Variants in ZNF844 observed in about 807,000 individuals in gnomAD.
The protein encoded by ZNF844 is zinc finger protein 844.
ZNF844 carries 11 observed loss-of-function variants against 11.4 expected under a neutral mutation model. That is an observed-to-expected ratio of 0.97 (90% CI 0.61 to 1.60). The LOEUF is 1.60. ZNF844 is among the 40% of genes most tolerant of loss of function. The probability of loss-of-function intolerance (pLI) is 0.00; values close to 1 mark genes in which losing one functional copy is unlikely to be tolerated. For missense variants in ZNF844, 790 were observed against 796.8 expected (o/e 0.99, Z 0.10); for synonymous variants, 248 against 260.3 (o/e 0.95, Z 0.46).
intron 3 of ZNF844, among the ~76,000 whole-genome samples, chr19:12,074,811 C>T (rs1975788832): frequency 6.6e-6 from 1 of 152,106 alleles, no homozygotes; most frequent in Non-Finnish European, 1.5e-5. Flanking sequence ...ATGATGATGC[C>T]ACTGCACTCC....
At position 12,079,031 on chromosome 19, in the gene ZNF844, G is replaced by A. The variant is rs1975863449; in HGVS notation, c.*1910G>A. 6.6e-6 allele frequency: 1 copy of A among 152,056 alleles called. No homozygotes were observed. Among genetic ancestry groups the A allele is most frequent in the Admixed American group, 6.6e-5 (1 of 15,260 alleles). 9.4% of individuals were successfully genotyped at this position (152,056 alleles called of 1,614,324 possible). A position where few individuals can be genotyped will look rare whatever the true frequency, so the allele number is the denominator to read the frequency against. On this transcript the variant is annotated 3_prime_UTR_variant, in exon 4 of 4. Transcript: ENST00000439326. ...CGCCCAGCTAATTTTTGTATTTTTA[G>A]TAGAGACGGGGCTTCACTATGTTGG...
At chr19:12,074,189 A>G (rs753672013) in intron 2 of ZNF844, 32 bp downstream of exon 2, 30 of 1,611,938 alleles carry the variant, frequency 1.9e-5, no homozygotes, top group Non-Finnish European at 2.5e-5. Context: ...CCCCCAGTGA[A>G]TGAGACAAGT....
Position 12,076,058 on chromosome 19 carries a change from A to C in ZNF844, c.938A>C (p.Lys313Thr). The change falls in exon 4 of 4, where the codon AAA (lysine) becomes ACA (threonine). Residue 313 changes from lysine to threonine, a missense_variant. By Grantham distance (78) the Lys-to-Thr change is moderately conservative (BLOSUM62 -1). Transcript: ENST00000439326. ...HSEEKAYECT[K>T]CGKAFKCPSY... ...GAGGAGAAGGCTTATGAATGTACCAAATGTGGGAAAGCATTCAAGTGTCCC... is the reference window on the plus strand; with the variant it reads ...GAGGAGAAGGCTTATGAATGTACCACATGTGGGAAAGCATTCAAGTGTCCC... 3.2e-6 allele frequency: 5 copies of C among 1,563,752 alleles called. No homozygotes were observed. Among genetic ancestry groups the C allele is most frequent in the Non-Finnish European group, 4.3e-6 (5 of 1,153,432 alleles).
intron 1 of ZNF844, 90 bp downstream of exon 1, chr19:12,064,966 C>T: frequency 2.1e-6 from 3 of 1,403,800 alleles, no homozygotes; most frequent in Non-Finnish European, 1.9e-6. Flanking sequence ...TGTGCCGGGA[C>T]CCGGACCTCC....
chr19:12,076,000 C>A lies in ZNF844; in HGVS notation c.880C>A (p.His294Asn). The change falls in exon 4 of 4, where the codon CAT (histidine) becomes AAT (asparagine). Residue 294 changes from histidine to asparagine, a missense_variant. By Grantham distance (68) the His-to-Asn change is moderately conservative. Around this residue, in one of 3 missense-constraint regions of ZNF844, gnomAD observed 657 missense variants for 636.2 expected, o/e 1.03. Transcript: ENST00000439326. ...ATGTGGAAAAGCCTTCAGATGGTTC[C>A]ATTCCTTTCAAATACATGAAAGAAC... is the stretch of plus-strand genomic sequence containing the variant. ...KQCGKAFRWF[H>N]SFQIHERTHS... is the part of the protein sequence containing the mutation. The A allele has an allele frequency of 6.3e-7, 1 of 1,577,876 alleles. No individual in the cohort carries two copies. The highest frequency in any genetic ancestry group is 8.6e-7 in the Non-Finnish European group (1 of 1,161,574).
chr19:12,073,041 A>C (rs1205301536), intron 1 of ZNF844, among the ~76,000 whole-genome samples: 1 of 152,078 alleles, frequency 6.6e-6, no homozygotes, highest in Non-Finnish European at 1.5e-5. Context: ...GAACTTTTAA[A>C]TTTTGATAAA....
In ZNF844 at chr19:12,076,263, C is replaced by T; in HGVS notation, c.1143C>T (p.Asp381=). Residue 381 remains aspartate (D), a synonymous_variant, in exon 4 of 4, where the codon GAC becomes GAT. Coordinates refer to ENST00000439326, the MANE Select transcript of ZNF844 (RefSeq NM_001136501.3). ...KPLILPVRFE[D]MKELTLERNL... The stretch of plus-strand genomic sequence containing the variant: ...TGATTCTCCCAGTTCGTTTTGAAGA[C>T]ATGAAAGAACTCACACTGGAGAGAA... The T allele has an allele frequency of 6.2e-7, 1 of 1,612,862 alleles. No individual in the cohort carries two copies. Among genetic ancestry groups the T allele is most frequent in the Non-Finnish European group, 8.5e-7 (1 of 1,179,460 alleles).
At position 12,074,419 on chromosome 19, in the gene ZNF844, A is replaced by T. The variant is rs551643138; in HGVS notation, c.189A>T (p.Leu63=). 1.3e-6 allele frequency: 2 copies of T among 1,535,248 alleles called. No homozygotes were observed. The highest frequency in any genetic ancestry group is 4.9e-5 in the East Asian group (2 of 40,728). The change falls in exon 3 of 4, where the codon CTA becomes CTT. Residue 63 remains leucine (L), a splice_region_variant and synonymous_variant. Transcript: ENST00000439326. ...AGTACAAAAATCCCAGGAATAATCTAAGGTGATTTAAACTCACGAGACAAA... is the reference window on the plus strand; with the variant it reads ...AGTACAAAAATCCCAGGAATAATCTTAGGTGATTTAAACTCACGAGACAAA... The part of the protein sequence containing the change: ...EDQYKNPRNN[L]RSLLGERVDE...
chr19:12,075,776 A>G lies in ZNF844; in HGVS notation c.656A>G (p.His219Arg), dbSNP rs1278172928. 2 of 1,613,090 alleles carry G rather than the reference A, an allele frequency of 1.2e-6. No homozygotes were observed. The highest frequency in any genetic ancestry group is 2.2e-5 in the South Asian group (2 of 90,782). The change falls in exon 4 of 4, where the codon CAC (histidine) becomes CGC (arginine). Residue 219 changes from histidine to arginine, a missense_variant. His to Arg is a conservative substitution (Grantham distance 29). This residue lies in a region of ZNF844 where 657 missense variants were observed against 636.2 expected (regional missense o/e 1.03). Coordinates refer to ENST00000439326, the MANE Select transcript of ZNF844 (RefSeq NM_001136501.3). Reference sequence around the variant, plus strand: ...ATATATCTTATACATGAACGAGTTCACACTGGAGAGAAACCATATAAATGT... The same window carrying G: ...ATATATCTTATACATGAACGAGTTCGCACTGGAGAGAAACCATATAAATGT... ...LSIYLIHERV[H>R]TGEKPYKCKQ...
At chr19:12,066,530 CTTTTTT>C (rs80186949) in intron 1 of ZNF844, among the ~76,000 whole-genome samples, 60 of 92,318 alleles carry the variant, frequency 6.5e-4, no homozygotes, top group Middle Eastern at 0.018. Context: ...TAAATGTCTT[CTTTTTT>C]TTTTTTTTTT....
At position 12,077,146 on chromosome 19, in the gene ZNF844, G is replaced by T; in HGVS notation, c.*25G>T. The T allele has an allele frequency of 6.2e-7, 1 of 1,601,494 alleles. No homozygotes were observed. On this transcript the variant is annotated 3_prime_UTR_variant, in exon 4 of 4. Transcript: ENST00000439326. ...AAACCGTATGAATGCAAGGAATGTG[G>T]CAAAGCCTTCACTTCTTCTGGTTCC...
intron 1 of ZNF844, among the ~76,000 whole-genome samples, chr19:12,067,163 G>A (rs983440459): frequency 1.2e-4 from 18 of 151,866 alleles, no homozygotes; most frequent in African/African-American, 4.4e-4. Context: ...TCGCGCCACT[G>A]CACTCCAGCT....
Position 12,080,457 on chromosome 19 carries a change from A to G in ZNF844, c.*3336A>G. The G allele has an allele frequency of 3.4e-6, 1 of 291,636 alleles. No homozygotes were observed. The highest frequency in any genetic ancestry group is 4.2e-4 in the Middle Eastern group (1 of 2,406). 18.1% of individuals were successfully genotyped at this position (291,636 alleles called of 1,614,324 possible). A position where few individuals can be genotyped will look rare whatever the true frequency, so the allele number is the denominator to read the frequency against. On this transcript the variant is annotated 3_prime_UTR_variant, in exon 4 of 4. Coordinates refer to ENST00000439326, the MANE Select transcript of ZNF844 (RefSeq NM_001136501.3). Reference sequence around the variant, plus strand: ...GTGTCCTATCTTACATGCAATTTCAAAGGCAGACAAGAGGAAGTCATCAGT... The same window carrying G: ...GTGTCCTATCTTACATGCAATTTCAGAGGCAGACAAGAGGAAGTCATCAGT...
rs753835058 is a variant in ZNF844, at chr19:12,076,743, G to T, written c.1623G>T (p.Leu541Phe). The T allele has an allele frequency of 1.4e-5, 23 of 1,604,346 alleles. 1 individual carries two copies. The South Asian group carries it at 2.6e-4, about 18-fold the overall frequency. The change falls in exon 4 of 4, where the codon TTG (leucine) becomes TTT (phenylalanine). Residue 541 changes from leucine (L) to phenylalanine (F), a missense_variant. Transcript: ENST00000439326. The stretch of plus-strand genomic sequence containing the variant: ...ATCTAAACAATGTGAAAAAACCTTT[G>T]GATCTGTCAGAAACCTTCAAATTCA... Reference protein sequence around the residue: ...CMNLNNVKKPLDLSETFKFMK... With the variant: ...CMNLNNVKKPFDLSETFKFMK...
At position 12,079,546 on chromosome 19, in the gene ZNF844, T is replaced by C. The variant is rs1975870586; in HGVS notation, c.*2425T>C. ...GGTGGCGCGTGCCTGTAGTCCCAGC[T>C]ACTCAGGAGGCTGAGGCAGGAGAAT... is the stretch of plus-strand genomic sequence containing the variant. On this transcript the variant is annotated 3_prime_UTR_variant, in exon 4 of 4. Coordinates refer to ENST00000439326, the MANE Select transcript of ZNF844 (RefSeq NM_001136501.3). 1 of 151,562 alleles carries C rather than the reference T, an allele frequency of 6.6e-6. No homozygotes were observed. The highest frequency in any genetic ancestry group is 2.4e-5 in the African/African-American group (1 of 41,146). 9.4% of individuals were successfully genotyped at this position (151,562 alleles called of 1,614,324 possible).
intron 1 of ZNF844, among the ~76,000 whole-genome samples, chr19:12,067,905 C>CT (rs1223123940): frequency 1.2e-5 from 1 of 81,462 alleles, no homozygotes; most frequent in Non-Finnish European, 2.4e-5. Context: ...GAGCGAGACT[C>CT]TGTCTCAAAA....
At position 12,075,553 on chromosome 19, in the gene ZNF844, C is replaced by A. The variant is rs1463142783; in HGVS notation, c.433C>A (p.Gln145Lys). The A allele has an allele frequency of 3.1e-6, 5 of 1,613,960 alleles. No individual in the cohort carries two copies. In the African/African-American group the frequency reaches 6.7e-5, roughly 22 times the overall value. ...EYGQEPYKCQ[Q>K]RKKAFRCHPS... Reference sequence around the variant, plus strand: ...TGGACAGGAGCCATATAAGTGTCAACAACGTAAGAAAGCCTTCAGATGTCA... The same window carrying A: ...TGGACAGGAGCCATATAAGTGTCAAAAACGTAAGAAAGCCTTCAGATGTCA... The change falls in exon 4 of 4, where the codon CAA becomes AAA. Residue 145 changes from glutamine to lysine, a missense_variant. Gln to Lys is a moderately conservative substitution (Grantham distance 53). Coordinates refer to ENST00000439326, the MANE Select transcript of ZNF844 (RefSeq NM_001136501.3).
chr19:12,073,919 T>C, intron 1 of ZNF844, 112 bp from the exon 2 acceptor site: 3 of 1,386,042 alleles, frequency 2.2e-6, no homozygotes, highest in South Asian at 1.5e-5. Flanking sequence ...GACCAAGAAA[T>C]AGAATAAATG....
intron 1 of ZNF844, 38 bp downstream of exon 1, chr19:12,064,914 G>C: frequency 1.3e-6 from 2 of 1,547,958 alleles, no homozygotes; most frequent in Non-Finnish European, 1.7e-6. Flanking sequence ...CGAGACTTGG[G>C]GGAGGGTAGG....
Sources: gnomAD v4.1 joint callset for allele counts (sites outside exome capture counted in the v4.1 genomes callset) on GRCh38, gnomAD v4.1.1 for gene constraint, gnomAD v4.1.1 regional missense constraint, MANE v1.5 for transcripts, NCBI Gene and HGNC (gene_info 2026-07-23, HGNC 2026-07-21) for gene names.